CALN1: variants seen among roughly 807,000 people sequenced by gnomAD.
The protein encoded by CALN1 is calcium-binding protein 8.
CALN1 carries 17 observed loss-of-function variants against 30.6 expected under a neutral mutation model. The ratio of observed to expected loss-of-function variants is 0.56; its 90% CI spans 0.38 to 0.83. The LOEUF is 0.83. Among genes scored for constraint, CALN1 ranks in the 40% least tolerant of loss-of-function variants. CALN1 has a pLI of 0.00. For missense variants in CALN1, 291 were observed against 354.9 expected (o/e 0.82, Z 1.45); for synonymous variants, 156 against 131.4 (o/e 1.19, Z -1.28).
intron 4 of CALN1, among the ~76,000 whole-genome samples, chr7:72,076,522 CGA>C (rs1468015422): frequency 7.1e-6 from 1 of 140,360 alleles, no homozygotes; most frequent in East Asian, 2.2e-4. Flanking sequence ...CGCTTGAACC[CGA>C]GAGGCGGAGG....
At chr7:71,825,443 A>G (rs1211968495) in intron 5 of CALN1, among the ~76,000 whole-genome samples, 2 of 152,018 alleles carry the variant, frequency 1.3e-5, no homozygotes, top group East Asian at 3.9e-4. Context: ...TGTGGCTTTT[A>G]TCATCGTATT....
intron 3 of CALN1, among the ~76,000 whole-genome samples, chr7:72,152,837 G>T (rs1250935132): frequency 2.6e-5 from 4 of 152,330 alleles, no homozygotes; most frequent in African/African-American, 9.6e-5. Context: ...GTCTTTCCAA[G>T]CTGGGAAAGG....
intron 3 of CALN1, among the ~76,000 whole-genome samples, chr7:72,125,160 C>G (rs963443223): frequency 6.6e-6 from 1 of 152,076 alleles, no homozygotes; most frequent in Non-Finnish European, 1.5e-5. Flanking sequence ...TCCTAAATAC[C>G]TGGGACTACT....
At chr7:71,882,920 G>C (rs1211117769) in intron 5 of CALN1, among the ~76,000 whole-genome samples, 2 of 148,378 alleles carry the variant, frequency 1.3e-5, no homozygotes, top group Non-Finnish European at 3.0e-5. Context: ...TCATTATGTT[G>C]CCCAGGCTGG....
At chr7:72,098,797 C>T (rs1402189271) in intron 4 of CALN1, among the ~76,000 whole-genome samples, 2 of 150,776 alleles carry the variant, frequency 1.3e-5, no homozygotes, top group African/African-American at 4.9e-5. Context: ...CACACACACA[C>T]ACACAGCCAG....
intron 2 of CALN1, among the ~76,000 whole-genome samples, chr7:72,303,810 G>C (rs1028458842): frequency 6.6e-6 from 1 of 152,100 alleles, no homozygotes; most frequent in Non-Finnish European, 1.5e-5. Flanking sequence ...AGGAGATCAA[G>C]GCTTAGTGAG....
At chr7:72,055,980 A>G (rs1027223345) in intron 4 of CALN1, among the ~76,000 whole-genome samples, 4 of 152,226 alleles carry the variant, frequency 2.6e-5, no homozygotes, top group Admixed American at 2.6e-4. Flanking sequence ...TGATCGCACC[A>G]CTGTAATCCA....
At chr7:72,462,074 A>T in the CALN1 span, among the ~76,000 whole-genome samples, 1 of 152,034 alleles carries the variant, frequency 6.6e-6, no homozygotes, top group Admixed American at 6.6e-5. Context: ...GGACTTTAGG[A>T]GTTGTATGCC....
chr7:72,069,952 G>A (rs916327956), intron 4 of CALN1, among the ~76,000 whole-genome samples: 4 of 152,078 alleles, frequency 2.6e-5, no homozygotes, highest in Non-Finnish European at 5.9e-5. Flanking sequence ...ATGTCCTGAG[G>A]TCCTCACCAG....
intron 2 of CALN1, chr7:72,337,022 C>T (rs1467657559): frequency 1.0e-6 from 1 of 985,610 alleles, no homozygotes; most frequent in East Asian, 1.1e-4. Context: ...GGACGTGTGC[C>T]CCGCACCCCC....
chr7:72,291,912 A>G (rs10244856), intron 2 of CALN1, among the ~76,000 whole-genome samples: 46,815 of 151,906 alleles, frequency 0.31, 7,789 homozygotes, highest in Non-Finnish European at 0.36. Context: ...GAGCCTGACC[A>G]TATGTTGAAA....
At chr7:72,035,462 A>G (rs1801739610) in intron 4 of CALN1, among the ~76,000 whole-genome samples, 1 of 152,314 alleles carries the variant, frequency 6.6e-6, no homozygotes, top group East Asian at 1.9e-4. Context: ...TAGACTAATA[A>G]GGAGGAACTT....
At chr7:72,388,914 T>C (rs1457864411) in intron 2 of CALN1, among the ~76,000 whole-genome samples, 1 of 152,170 alleles carries the variant, frequency 6.6e-6, no homozygotes, top group African/African-American at 2.4e-5. Flanking sequence ...CCCTGAGTGT[T>C]TGGGCTTCCT....
intron 5 of CALN1, among the ~76,000 whole-genome samples, chr7:71,835,031 C>T (rs186997168): frequency 2.3e-4 from 35 of 152,102 alleles, no homozygotes; most frequent in African/African-American, 8.2e-4. Context: ...GACGAGGTCT[C>T]ACTATGTTGT....
In CALN1 at chr7:71,937,082, G is replaced by C. The variant is rs117882908; in HGVS notation, c.501+86575C>G. 9.5e-4 allele frequency among the ~76,000 whole-genome samples: 144 copies of C among 152,190 alleles called. 1 individual carries two copies. In the East Asian group the frequency reaches 0.023, roughly 25 times the overall value. On this transcript the variant is annotated intron_variant, in intron 5 of 6. Coordinates refer to ENST00000395275, the MANE Select transcript of CALN1 (RefSeq NM_031468.4). ...GCATGAAAATGGACTAATACAATTA[G>C]GCAGCTCTTTAAATATCTATCTTTC... is the stretch of plus-strand genomic sequence containing the variant.
intron 5 of CALN1, among the ~76,000 whole-genome samples, chr7:71,925,281 A>C (rs894117413): frequency 1.3e-5 from 2 of 149,020 alleles, no homozygotes; most frequent in African/African-American, 4.9e-5. Flanking sequence ...GCAAGCAAGC[A>C]AGCAAGAAAA....
rs140134497 is a variant in CALN1, at chr7:72,364,064, T to TAA, written c.119+39185_119+39186dup. 1.0e-2 allele frequency among the ~76,000 whole-genome samples: 1,483 copies of TAA among 148,836 alleles called. 16 individuals are homozygous for TAA. The highest frequency in any genetic ancestry group is 0.027 in the African/African-American group (1,080 of 40,692). On this transcript the variant is annotated intron_variant, in intron 2 of 6. Coordinates refer to ENST00000395275, the MANE Select transcript of CALN1 (RefSeq NM_031468.4). ...ATGTGTTTTTAATTCAAAATTGCAG[T>TAA]AAAAAAAAAAAATACTTTACTATAA...
chr7:72,357,753 A>G (rs1337424768), intron 2 of CALN1, among the ~76,000 whole-genome samples: 1 of 151,158 alleles, frequency 6.6e-6, no homozygotes, highest in Admixed American at 6.6e-5. Context: ...GTAAAAAGAA[A>G]TAAACATGTT....
intron 3 of CALN1, among the ~76,000 whole-genome samples, chr7:72,185,042 C>T (rs902150067): frequency 1.3e-5 from 2 of 152,004 alleles, no homozygotes; most frequent in Non-Finnish European, 2.9e-5. Flanking sequence ...TGGGCTCAAG[C>T]GATCATCCCA....
Sources: gnomAD v4.1 joint callset for allele counts (sites outside exome capture counted in the v4.1 genomes callset) on GRCh38, gnomAD v4.1.1 for gene constraint, MANE v1.5 for transcripts, NCBI Gene and HGNC (gene_info 2026-07-23, HGNC 2026-07-21) for gene names.